Variants in EIF3D observed in about 807,000 individuals in gnomAD.
The protein encoded by EIF3D is eukaryotic translation initiation factor 3 subunit D, also known as eIF3 p66.
A neutral mutation model predicts 75.4 loss-of-function variants in EIF3D; 10 were observed. The observed-to-expected ratio is 0.13, with a 90% confidence interval of 0.08 to 0.22. The LOEUF is 0.22. Ranked by LOEUF, EIF3D falls within the 10% of genes least tolerant of loss-of-function variation. The pLI is 1.00. For missense variants in EIF3D, 394 were observed against 708.0 expected, an observed-to-expected ratio of 0.56 and a Z score of 5.03; for synonymous variants, 246 against 248.3, an observed-to-expected ratio of 0.99 and a Z score of 0.09.
At chr22:36,522,214 C>T (rs1934524797) in intron 6 of EIF3D, among the ~76,000 whole-genome samples, 6 of 151,992 alleles carry the variant, frequency 3.9e-5, no homozygotes, top group South Asian at 4.1e-4. Flanking sequence ...ATTAGCCAGG[C>T]GTGGTGGTGC....
At chr22:36,524,067 T>A in intron 4 of EIF3D, 87 bp from the exon 5 acceptor site, 1 of 1,310,066 alleles carries the variant, frequency 7.6e-7, no homozygotes, top group Non-Finnish European at 1.1e-6. Context: ...TTGGAGTAAA[T>A]TTAGGATGCC....
intron 3 of EIF3D, among the ~76,000 whole-genome samples, chr22:36,525,193 G>C (rs112518973): frequency 2.0e-5 from 3 of 148,970 alleles, no homozygotes; most frequent in African/African-American, 7.5e-5. Context: ...GTGGCAGAGA[G>C]AAAAAGCCTT....
At chr22:36,528,238 G>A (rs1934637469) in intron 1 of EIF3D, among the ~76,000 whole-genome samples, 2 of 151,990 alleles carry the variant, frequency 1.3e-5, no homozygotes, top group Non-Finnish European at 1.5e-5. Context: ...TATTACAGCT[G>A]GGCAGCAGCC....
At chr22:36,517,780 C>T (rs1278944011) in intron 9 of EIF3D, among the ~76,000 whole-genome samples, 2 of 152,004 alleles carry the variant, frequency 1.3e-5, no homozygotes, top group Non-Finnish European at 2.9e-5. Flanking sequence ...TGGAGTCTTG[C>T]TCTGTCACCC....
intron 6 of EIF3D, among the ~76,000 whole-genome samples, chr22:36,521,846 A>G (rs1934519259): frequency 6.6e-6 from 1 of 151,380 alleles, no homozygotes; most frequent in Admixed American, 6.6e-5. Flanking sequence ...CTGAGGTGTG[A>G]GAATCACTTT....
At chr22:36,517,169 C>T in intron 10 of EIF3D, 132 bp downstream of exon 10, 1 of 1,214,040 alleles carries the variant, frequency 8.2e-7, no homozygotes, top group South Asian at 1.4e-5. Context: ...GCATGTAACT[C>T]CCCTGCTAAA....
intron 1 of EIF3D, among the ~76,000 whole-genome samples, chr22:36,527,960 T>C (rs992367320): frequency 2.6e-5 from 4 of 152,172 alleles, no homozygotes; most frequent in African/African-American, 9.7e-5. Flanking sequence ...AGGATGAACC[T>C]AGAAGTTTCA....
In EIF3D at chr22:36,520,623, A is replaced by G. The variant is rs774413017; in HGVS notation, c.531T>C (p.Pro177=). 1.2e-6 allele frequency: 2 copies of G among 1,613,684 alleles called. No individual in the cohort carries two copies. Among genetic ancestry groups the G allele is most frequent in the Admixed American group, 1.7e-5 (1 of 60,010 alleles). The part of the protein sequence containing the change: ...DWEVKEEMDF[P]QLMKMRYLEV... ...CCAAGTAGCGCATCTTCATCAACTG[A>G]GGAAAATCCATTTCCTCTTTCACTT... The change falls in exon 7 of 15, where the codon CCT becomes CCC. Residue 177 remains proline (P), a synonymous_variant. Transcript: ENST00000216190.
In EIF3D at chr22:36,519,581, C is replaced by A. The variant is rs763194675; in HGVS notation, c.579-44G>T. The A allele has an allele frequency of 4.4e-6, 7 of 1,607,000 alleles. No individual in the cohort carries two copies. In the Admixed American group the frequency reaches 8.5e-5, roughly 20 times the overall value. Reference sequence around the variant, plus strand: ...AAGACATGCAAAGTAAGAGAGATAACCCCCAGTTTTTTCTTTTAAGCCATA... The same window carrying A: ...AAGACATGCAAAGTAAGAGAGATAAACCCCAGTTTTTTCTTTTAAGCCATA... On this transcript the variant is annotated intron_variant, in intron 7 of 14. Coordinates refer to ENST00000216190, the MANE Select transcript of EIF3D (RefSeq NM_003753.4).
chr22:36,523,417 G>T, intron 5 of EIF3D, 136 bp from the exon 6 acceptor site: 1 of 696,680 alleles, frequency 1.4e-6, no homozygotes. Flanking sequence ...TGGGCTTAGA[G>T]AAAGGAAGAG....
chr22:36,516,189 GA>G (rs1385820227), intron 12 of EIF3D: 1 of 297,704 alleles, frequency 3.4e-6, no homozygotes, highest in African/African-American at 2.2e-5. Context: ...GGCCACAATG[GA>G]ACAGAGATGA....
At chr22:36,523,352 C>A in intron 5 of EIF3D, 71 bp from the exon 6 acceptor site, 1 of 1,194,986 alleles carries the variant, frequency 8.4e-7, no homozygotes, top group Non-Finnish European at 1.2e-6. Context: ...CACACGCTGC[C>A]ATTCTCTTCA....
At chr22:36,526,789 A>G (rs1934610740) in intron 1 of EIF3D, 1 of 152,192 alleles carries the variant, frequency 6.6e-6, no homozygotes, top group Non-Finnish European at 1.5e-5. Flanking sequence ...GGGTTTCACC[A>G]TGTTGTCCAG....
intron 5 of EIF3D, 119 bp from the exon 6 acceptor site, chr22:36,523,400 C>T (rs2076084): frequency 0.29 from 222,997 of 770,546 alleles, 41,788 homozygotes; most frequent in African/African-American, 0.8. Context: ...CTTTAAACTA[C>T]GAAAAATGGG....
chr22:36,524,021 A>T (rs370073245), intron 4 of EIF3D, 41 bp from the exon 5 acceptor site: 3 of 1,606,046 alleles, frequency 1.9e-6, no homozygotes, highest in Non-Finnish European at 2.6e-6. Flanking sequence ...AATCTTGGAG[A>T]TTTGGCTCAC....
rs371499563 is a variant in EIF3D at position 36,516,546 on chromosome 22, C to A, written c.1138G>T (p.Val380Phe). The A allele has an allele frequency of 1.2e-6, 2 of 1,614,010 alleles. No homozygotes were observed. The highest frequency in any genetic ancestry group is 4.5e-5 in the East Asian group (2 of 44,898). ...DLIVRCEHDGVMTGANGEVSF... is the reference protein window; with the variant it reads ...DLIVRCEHDGFMTGANGEVSF... ...ACTTCCCCGTTGGCTCCAGTCATGACGCCATCGTGCTCACAACGGACAATA... is the reference window on the plus strand; with the variant it reads ...ACTTCCCCGTTGGCTCCAGTCATGAAGCCATCGTGCTCACAACGGACAATA... The change falls in exon 12 of 15, where the codon GTC (valine) becomes TTC (phenylalanine). Residue 380 changes from valine (V) to phenylalanine (F), a missense_variant. By Grantham distance (50) the Val-to-Phe change is conservative. Coordinates refer to ENST00000216190, the MANE Select transcript of EIF3D (RefSeq NM_003753.4).
At chr22:36,511,948 T>TG (rs2145867774) in intron 13 of EIF3D, among the ~76,000 whole-genome samples, 162 bp from the exon 14 acceptor site, 1 of 150,292 alleles carries the variant, frequency 6.7e-6, no homozygotes, top group East Asian at 1.9e-4. Context: ...TGGAGTGCAG[T>TG]GGCGCCATCT....
intron 10 of EIF3D, 113 bp downstream of exon 10, chr22:36,517,188 C>G: frequency 1.4e-6 from 2 of 1,428,110 alleles, no homozygotes; most frequent in South Asian, 1.3e-5. Context: ...AAGGTGGGGA[C>G]TGCGTCTGAC....
At chr22:36,519,291 CTTT>C in intron 8 of EIF3D, 111 bp downstream of exon 8, 1 of 1,463,322 alleles carries the variant, frequency 6.8e-7, no homozygotes, top group Non-Finnish European at 9.3e-7. Flanking sequence ...TGGCAAAGTG[CTTT>C]TACCTATAAT....
Sources: gnomAD v4.1 joint callset for allele counts (sites outside exome capture counted in the v4.1 genomes callset) on GRCh38, gnomAD v4.1.1 for gene constraint, MANE v1.5 for transcripts, NCBI Gene and HGNC (gene_info 2026-07-23, HGNC 2026-07-21) for gene names.